The following PUDP variants were observed in gnomAD, a reference collection of about 807,000 sequenced individuals.
PUDP encodes the protein pseudouridine 5'-phosphatase.
Under a neutral mutation model 9.4 loss-of-function variants are expected in PUDP, and 8 were observed. That is an observed-to-expected ratio of 0.85 (90% CI 0.50 to 1.53). The LOEUF is 1.53. PUDP is among the 40% of genes most tolerant of loss of function. The probability of loss-of-function intolerance (pLI) is 0.00; values close to 1 mark genes in which losing one functional copy is unlikely to be tolerated. For synonymous variants in PUDP, 99 were observed against 80.7 expected (o/e 1.23, Z -1.22); for missense variants, 188 against 189.7 (o/e 0.99, Z 0.05).
At chrX:6,937,235 T>A (rs1188420054) in intron 3 of PUDP, among the ~76,000 whole-genome samples, 1 of 84,243 alleles carries the variant, frequency 1.2e-5, no homozygotes, top group African/African-American at 4.2e-5. Context: ...CAAACTATAC[T>A]ACAAGGCTAC....
chrX:6,723,721 G>A (rs898400973), upstream of PUDP, among the ~76,000 whole-genome samples: 2 of 92,981 alleles, frequency 2.2e-5, no homozygotes, highest in Non-Finnish European at 4.3e-5. Flanking sequence ...ACAAAAAAAC[G>A]CCTGATTGAT....
rs1037532827 is a variant in PUDP, at chrX:7,091,842, T to C, written c.280+13778A>G. On this transcript the variant is annotated intron_variant, in intron 2 of 3. Coordinates refer to ENST00000381077, the MANE Select transcript of PUDP (RefSeq NM_012080.5). ...TAAGGATCTATCACTACAAAATAAATGTATAAAACAGCTATTTAAATAGCT... is the reference window on the plus strand; with the variant it reads ...TAAGGATCTATCACTACAAAATAAACGTATAAAACAGCTATTTAAATAGCT... Among the ~76,000 whole-genome samples the C allele has an allele frequency of 8.2e-4, 92 of 112,468 alleles. 1 individual carries two copies. The highest frequency in any genetic ancestry group is 3.0e-3 in the African/African-American group (92 of 30,967).
chrX:7,057,944 T>A, intron 3 of PUDP: 1 of 485,513 alleles, frequency 2.1e-6, no homozygotes, highest in Non-Finnish European at 3.5e-6. Flanking sequence ...CCTCCCCAGG[T>A]CTCACTTCCC....
At chrX:7,112,721 G>A (rs1370483837) in intron 1 of PUDP, among the ~76,000 whole-genome samples, 1 of 111,655 alleles carries the variant, frequency 9.0e-6, no homozygotes, top group African/African-American at 3.3e-5. Context: ...GAGTATAGTA[G>A]GGTGATCACA....
chrX:7,145,897 T>C (rs746881374), intron 1 of PUDP, among the ~76,000 whole-genome samples: 8 of 112,141 alleles, frequency 7.1e-5, no homozygotes, highest in Non-Finnish European at 7.5e-5. Flanking sequence ...CATTATAAAT[T>C]GATAGTATAT....
At chrX:6,774,333 C>A (rs1447200054) in intron 3 of PUDP, among the ~76,000 whole-genome samples, 3 of 112,130 alleles carry the variant, frequency 2.7e-5, no homozygotes, top group Non-Finnish European at 5.6e-5. Flanking sequence ...AGGGATTAAA[C>A]CCCACTTTGT....
chrX:6,707,326 A>T (rs1401608934), intron 1 of PUDP, among the ~76,000 whole-genome samples: 6 of 111,639 alleles, frequency 5.4e-5, no homozygotes. Context: ...TGTGGAAGAC[A>T]ATTTTTCCAT....
chrX:6,940,400 GAGGCAATTAC>G (rs1407578757), intron 3 of PUDP, among the ~76,000 whole-genome samples: 1 of 112,527 alleles, frequency 8.9e-6, no homozygotes, highest in East Asian at 2.8e-4. Context: ...CCCCTAGTTT[GAGGCAATTAC>G]AGGTGTTGAT....
At chrX:6,802,507 C>T (rs1925950136) in intron 3 of PUDP, among the ~76,000 whole-genome samples, 1 of 111,696 alleles carries the variant, frequency 9.0e-6, no homozygotes, top group Non-Finnish European at 1.9e-5. Context: ...AAGCTGCTAA[C>T]ATCTATCGTA....
intron 3 of PUDP, among the ~76,000 whole-genome samples, chrX:6,968,872 G>A (rs1283068404): frequency 1.8e-5 from 2 of 111,628 alleles, no homozygotes; most frequent in Non-Finnish European, 1.9e-5. Flanking sequence ...TGCCCGCCTC[G>A]GCCTCCCAAA....
intron 3 of PUDP, among the ~76,000 whole-genome samples, chrX:6,950,014 C>T (rs981929520): frequency 1.8e-5 from 2 of 111,200 alleles, no homozygotes; most frequent in Non-Finnish European, 3.8e-5. Context: ...AGTATGGCTG[C>T]TCGCTTCCAA....
At chrX:6,986,693 T>C (rs1177774344) in intron 1 of PUDP, among the ~76,000 whole-genome samples, 1 of 111,730 alleles carries the variant, frequency 9.0e-6, no homozygotes, top group African/African-American at 3.3e-5. Context: ...TTTCTGTCAT[T>C]GTGTTTGACT....
chrX:7,106,796 ATTACT>A (rs1327180463), intron 1 of PUDP, among the ~76,000 whole-genome samples: 1 of 111,676 alleles, frequency 9.0e-6, no homozygotes, highest in Non-Finnish European at 1.9e-5. Context: ...GCCTAGAAAG[ATTACT>A]TTACTGAAGA....
intron 3 of PUDP, among the ~76,000 whole-genome samples, chrX:6,786,176 C>T (rs149703690): frequency 2.7e-4 from 30 of 111,909 alleles, no homozygotes; most frequent in African/African-American, 9.1e-4. Flanking sequence ...TCTTCAATAA[C>T]TATGAATCAT....
intron 3 of PUDP, among the ~76,000 whole-genome samples, chrX:6,950,104 G>C (rs922858685): frequency 9.1e-6 from 1 of 110,371 alleles, no homozygotes; most frequent in South Asian, 3.9e-4. Context: ...TTGGGAGGTT[G>C]AGGCAGGCAG....
intron 1 of PUDP, among the ~76,000 whole-genome samples, chrX:7,117,398 A>G (rs1229861979): frequency 8.9e-6 from 1 of 112,596 alleles, no homozygotes; most frequent in Non-Finnish European, 1.9e-5. Context: ...GTTATTTCTT[A>G]GCAAAGAACT....
intron 2 of PUDP, among the ~76,000 whole-genome samples, chrX:7,096,741 T>TG (rs201945616): frequency 1.8e-5 from 2 of 110,851 alleles, no homozygotes; most frequent in African/African-American, 6.6e-5. Flanking sequence ...GAAGCTGAGG[T>TG]GAAAGCATTG....
intron 3 of PUDP, among the ~76,000 whole-genome samples, chrX:6,801,417 A>T (rs1925930760): frequency 8.9e-6 from 1 of 112,471 alleles, no homozygotes; most frequent in African/African-American, 3.2e-5. Flanking sequence ...CACTTACAGA[A>T]CCAATGACCG....
chrX:7,119,125 C>T (rs1024142068), intron 1 of PUDP, among the ~76,000 whole-genome samples: 4 of 111,992 alleles, frequency 3.6e-5, no homozygotes, highest in African/African-American at 1.3e-4. Context: ...TCCTCTCAGA[C>T]CCGAAAACAG....
Sources: allele counts gnomAD v4.1 joint callset (sites outside exome capture counted in the v4.1 genomes callset), GRCh38; gene constraint gnomAD v4.1.1; transcripts MANE v1.5; gene names NCBI Gene and HGNC (gene_info 2026-07-23, HGNC 2026-07-21).